Variants in HDAC9 observed in about 807,000 individuals in gnomAD.
The protein encoded by HDAC9 is histone deacetylase 9.
HDAC9 carries 41 observed loss-of-function variants against 139.4 expected under a neutral mutation model. That is an observed-to-expected ratio of 0.29 (90% CI 0.23 to 0.38). The LOEUF (loss-of-function observed/expected upper bound fraction) is 0.38, where lower values mean the gene tolerates loss of function less well. Ranked by LOEUF, HDAC9 falls within the 10% of genes least tolerant of loss-of-function variation. The pLI, the probability that HDAC9 is intolerant of heterozygous loss-of-function variation, is 1.00. For missense variants in HDAC9, 1,147 were observed against 1,297.0 expected (o/e 0.88, Z 1.78); for synonymous variants, 517 against 476.2 (o/e 1.09, Z -1.12).
chr7:18,831,271 C>T (rs927205898), intron 19 of HDAC9, among the ~76,000 whole-genome samples: 3 of 152,104 alleles, frequency 2.0e-5, no homozygotes, highest in African/African-American at 7.2e-5. Context: ...GTGAATTGTA[C>T]AAGAGACTTG....
At chr7:18,500,150 A>G (rs1797992359) in intron 2 of HDAC9, among the ~76,000 whole-genome samples, 1 of 152,190 alleles carries the variant, frequency 6.6e-6, no homozygotes, top group African/African-American at 2.4e-5. Flanking sequence ...TCTAAGGATG[A>G]CACAGGAGGC....
intron 25 of HDAC9, among the ~76,000 whole-genome samples, chr7:18,995,661 A>G (rs565844265): frequency 6.6e-6 from 1 of 152,338 alleles, no homozygotes; most frequent in South Asian, 2.1e-4. Flanking sequence ...TCTCATTAGC[A>G]AACTGGTTCC....
chr7:18,268,827 G>A (rs914941153), intron 2 of HDAC9, among the ~76,000 whole-genome samples: 5 of 152,138 alleles, frequency 3.3e-5, no homozygotes, highest in African/African-American at 1.2e-4. Context: ...CCACTTGAAA[G>A]GAACTGATCA....
intron 25 of HDAC9, among the ~76,000 whole-genome samples, 184 bp from the exon 26 acceptor site, chr7:18,995,839 C>T (rs564720454): frequency 2.6e-5 from 4 of 151,992 alleles, no homozygotes; most frequent in Admixed American, 6.6e-5. Flanking sequence ...TTGCTTGGAT[C>T]GAAAATGTTT....
At chr7:18,951,659 GT>G (rs1053888821) in intron 23 of HDAC9, among the ~76,000 whole-genome samples, 12 of 151,518 alleles carry the variant, frequency 7.9e-5, no homozygotes, top group African/African-American at 2.9e-4. Flanking sequence ...CATCACCAAT[GT>G]TTTTGCTGTA....
intron 2 of HDAC9, among the ~76,000 whole-genome samples, chr7:18,172,898 G>A (rs776128098): frequency 6.6e-6 from 1 of 152,204 alleles, no homozygotes; most frequent in Non-Finnish European, 1.5e-5. Flanking sequence ...GAGTAAGTGC[G>A]ATGTGGTGTT....
intron 2 of HDAC9, among the ~76,000 whole-genome samples, chr7:18,197,522 A>G (rs916161424): frequency 6.6e-6 from 1 of 152,176 alleles, no homozygotes; most frequent in African/African-American, 2.4e-5. Context: ...TGAATCATCT[A>G]CAAGTAGGGC....
chr7:18,926,087 A>T (rs917784600), intron 22 of HDAC9, among the ~76,000 whole-genome samples: 3 of 152,102 alleles, frequency 2.0e-5, no homozygotes, highest in African/African-American at 7.2e-5. Flanking sequence ...GGTGGCTCAC[A>T]CCTGTAATCC....
At chr7:18,778,315 A>G (rs2129169296) in intron 16 of HDAC9, among the ~76,000 whole-genome samples, 1 of 152,124 alleles carries the variant, frequency 6.6e-6, no homozygotes, top group African/African-American at 2.4e-5. Context: ...TTACACAGCT[A>G]TACATAGTAT....
chr7:18,520,193 C>T (rs747629013), intron 2 of HDAC9, among the ~76,000 whole-genome samples: 11 of 152,038 alleles, frequency 7.2e-5, no homozygotes, highest in Non-Finnish European at 1.3e-4. Context: ...GATTAATTTA[C>T]GTATCTGTGA....
intron 1 of HDAC9, among the ~76,000 whole-genome samples, chr7:18,093,256 T>G (rs1430904892): frequency 6.6e-6 from 1 of 152,146 alleles, no homozygotes; most frequent in Non-Finnish European, 1.5e-5. Context: ...TTGCCAAGGG[T>G]CGTTCAGCTA....
At chr7:18,542,559 A>T (rs1010859825) in intron 2 of HDAC9, among the ~76,000 whole-genome samples, 5 of 152,238 alleles carry the variant, frequency 3.3e-5, no homozygotes, top group Non-Finnish European at 5.9e-5. Context: ...ATACTTTTTT[A>T]AAAAGATTAA....
chr7:18,142,484 T>G (rs1460833619), intron 1 of HDAC9, among the ~76,000 whole-genome samples: 2 of 152,192 alleles, frequency 1.3e-5, no homozygotes, highest in Non-Finnish European at 2.9e-5. Context: ...CCATGACGTC[T>G]TATGGAGACA....
chr7:18,407,615 TTAA>T (rs1788137791), intron 1 of HDAC9, among the ~76,000 whole-genome samples: 1 of 152,198 alleles, frequency 6.6e-6, no homozygotes, highest in African/African-American at 2.4e-5. Flanking sequence ...GGGTAGGCAC[TTAA>T]TAACATTACA....
chr7:18,140,387 T>A (rs902975972), intron 1 of HDAC9, among the ~76,000 whole-genome samples: 2 of 152,150 alleles, frequency 1.3e-5, no homozygotes, highest in Non-Finnish European at 2.9e-5. Flanking sequence ...TGTACAGGGT[T>A]TTCTCTTTGA....
At chr7:18,666,081 A>G (rs770437177) in intron 11 of HDAC9, 132 bp from the exon 12 acceptor site, 9 of 993,184 alleles carry the variant, frequency 9.1e-6, no homozygotes, top group Non-Finnish European at 1.2e-5. Context: ...TGTTGCCTAC[A>G]AGTTCATTCT....
chr7:18,276,494 T>C (rs1796728456), intron 2 of HDAC9, among the ~76,000 whole-genome samples: 1 of 152,218 alleles, frequency 6.6e-6, no homozygotes, highest in South Asian at 2.1e-4. Context: ...GTTTTTTAAG[T>C]GTGGCACTCG....
At chr7:18,487,963 C>A (rs563900190) in intron 1 of HDAC9, among the ~76,000 whole-genome samples, 107 of 152,084 alleles carry the variant, frequency 7.0e-4, no homozygotes, top group African/African-American at 2.4e-3. Context: ...CTACACATGA[C>A]AGAATTTTTG....
intron 1 of HDAC9, among the ~76,000 whole-genome samples, chr7:18,297,984 CA>C (rs1333002764): frequency 6.6e-6 from 1 of 152,136 alleles, no homozygotes; most frequent in Non-Finnish European, 1.5e-5. Context: ...TTAAATGTTA[CA>C]GCTCTAAATT....
Sources: allele counts gnomAD v4.1 joint callset (sites outside exome capture counted in the v4.1 genomes callset), GRCh38; gene constraint gnomAD v4.1.1; transcripts MANE v1.5; gene names NCBI Gene and HGNC (gene_info 2026-07-23, HGNC 2026-07-21).